SYNPO2L: variants seen among roughly 807,000 people sequenced by gnomAD.
SYNPO2L encodes the protein synaptopodin 2-like protein.
A neutral mutation model predicts 47.5 loss-of-function variants in SYNPO2L; 34 were observed. The observed-to-expected ratio is 0.72, with a 90% CI of 0.54 to 0.95. The LOEUF is 0.95. SYNPO2L is among the 40% of genes least tolerant of loss of function. The pLI, the probability that SYNPO2L is intolerant of heterozygous loss-of-function variation, is 0.00. For synonymous variants in SYNPO2L, 536 were observed against 524.9 expected, an observed-to-expected ratio of 1.02 and a Z score of -0.29; for missense variants, 1,246 against 1,282.0, an observed-to-expected ratio of 0.97 and a Z score of 0.43.
intron 3 of SYNPO2L, among the ~76,000 whole-genome samples, chr10:73,649,349 G>A (rs983014488): frequency 6.6e-6 from 1 of 152,128 alleles, no homozygotes; most frequent in Non-Finnish European, 1.5e-5. Flanking sequence ...GGCTTCTCAT[G>A]AAGCTTAGGA....
rs2081732006 is a variant in SYNPO2L, at chr10:73,645,029, G to A, written c.*1689C>T. The A allele has an allele frequency of 7.9e-7, 1 of 1,266,562 alleles. No individual in the cohort carries two copies. Among genetic ancestry groups the A allele is most frequent in the African/African-American group, 1.6e-5 (1 of 63,336 alleles). The allele number at this position is 1,266,562 out of a possible 1,614,324, so 78.5% of individuals were successfully genotyped here. A position where few individuals can be genotyped will look rare whatever the true frequency, so the allele number is the denominator to read the frequency against. ...GAGAAGGGAGTCCATACTAAGATTG[G>A]AGATCAGGACCTGAAGCTGAAAAGA... On this transcript the variant is annotated 3_prime_UTR_variant, in exon 4 of 4. Coordinates refer to ENST00000394810, the MANE Select transcript of SYNPO2L (RefSeq NM_001114133.3).
rs377688269 is a variant in SYNPO2L at position 73,648,713 on chromosome 10, G to A, written c.939C>T (p.Phe313=). ...CAGCGCCTGTCCCAGCAGCAGCCCC[G>A]AAGCTCACCAGGGTGTACTTCTTGG... The part of the protein sequence containing the change: ...QRAKKYTLVS[F]GAAAGTGAEE... The change falls in exon 4 of 4, where the codon TTC becomes TTT. Residue 313 remains phenylalanine (F), a synonymous_variant. Coordinates refer to ENST00000394810, the MANE Select transcript of SYNPO2L (RefSeq NM_001114133.3). 1.1e-5 allele frequency: 18 copies of A among 1,610,970 alleles called. No homozygotes were observed. Among genetic ancestry groups the A allele is most frequent in the South Asian group, 2.2e-5 (2 of 90,912 alleles).
In SYNPO2L at chr10:73,648,666, G is replaced by C. The variant is rs912188151; in HGVS notation, c.986C>G (p.Pro329Arg). 5 of 1,610,800 alleles carry C rather than the reference G, an allele frequency of 3.1e-6. No homozygotes were observed. Among genetic ancestry groups the C allele is most frequent in the Non-Finnish European group, 4.2e-6 (5 of 1,177,166 alleles). The change falls in exon 4 of 4, where the codon CCC becomes CGC. Residue 329 changes from proline (P) to arginine (R), a missense_variant. Physicochemically the swap from Pro to Arg is moderately radical, Grantham distance 103. Around this residue, in one of 3 missense-constraint regions of SYNPO2L, gnomAD observed 1,037 missense variants for 1,021.5 expected, o/e 1.02. Transcript: ENST00000394810. ...TGAEEEDGVP[P>R]TSESELDEEA... is the part of the protein sequence containing the mutation. ...TTCGTCCAGCTCGGACTCACTCGTG[G>C]GGGGAACGCCGTCCTCCTCCTCAGC... is the stretch of plus-strand genomic sequence containing the variant.
In SYNPO2L at chr10:73,645,916, C is replaced by T; in HGVS notation, c.*802G>A. 5.4e-6 allele frequency: 5 copies of T among 928,448 alleles called. No individual in the cohort carries two copies. Among genetic ancestry groups the T allele is most frequent in the Non-Finnish European group, 6.4e-6 (5 of 777,712 alleles). The allele number at this position is 928,448 out of a possible 1,614,324, so 57.5% of individuals were successfully genotyped here. A position where few individuals can be genotyped will look rare whatever the true frequency, so the allele number is the denominator to read the frequency against. On this transcript the variant is annotated 3_prime_UTR_variant, in exon 4 of 4. Transcript: ENST00000394810. ...CTCAGCTCACTGCAAGCTCCGCCTT[C>T]CAGGTTCATGCCATTCTCCTGCCTC...
rs1477770440 is a variant in SYNPO2L, at chr10:73,647,733, C to T, written c.1919G>A (p.Gly640Glu). 2 of 1,614,106 alleles carry T rather than the reference C, an allele frequency of 1.2e-6. No homozygotes were observed. ...RGTRKQMFRP[G>E]KEETKNSPNP... ...GGGCGAGTTCTTCGTCTCCTCCTTT[C>T]CCGGCCGGAACATCTGCTTCCGGGT... is the stretch of plus-strand genomic sequence containing the variant. The change falls in exon 4 of 4, where the codon GGA (glycine) becomes GAA (glutamate). Residue 640 changes from glycine to glutamate, a missense_variant. By Grantham distance (98) the Gly-to-Glu change is moderately conservative (BLOSUM62 -2). This residue lies in a region of SYNPO2L where 1,037 missense variants were observed against 1,021.5 expected (regional missense o/e 1.02). Transcript: ENST00000394810.
At chr10:73,648,953 C>A in intron 3 of SYNPO2L, 74 bp from the exon 4 acceptor site, 2 of 1,413,128 alleles carry the variant, frequency 1.4e-6, no homozygotes, top group Non-Finnish European at 9.2e-7. Context: ...AAGGCTTTCA[C>A]CCCCCATCCC....
At position 73,655,886 on chromosome 10, in the gene SYNPO2L, C is replaced by T. The variant is rs1564995988; in HGVS notation, c.37G>A (p.Gly13Arg). ...AEEEVLVTLS[G>R]GAPWGFRLHG... ...AGTCGGAAGCCCCAGGGGGCTCCCCCTGATAGTGTGACCAGCACCTCCTCC... is the reference window on the plus strand; with the variant it reads ...AGTCGGAAGCCCCAGGGGGCTCCCCTTGATAGTGTGACCAGCACCTCCTCC... The change falls in exon 1 of 4, where the codon GGG becomes AGG. Residue 13 changes from glycine to arginine, a missense_variant. Gly to Arg is a moderately radical substitution (Grantham distance 125). Coordinates refer to ENST00000394810, the MANE Select transcript of SYNPO2L (RefSeq NM_001114133.3). 1 of 1,551,444 alleles carries T rather than the reference C, an allele frequency of 6.4e-7. No individual in the cohort carries two copies. The highest frequency in any genetic ancestry group is 2.0e-5 in the Admixed American group (1 of 50,974).
rs1469066943 is a variant in SYNPO2L at position 73,653,554 on chromosome 10, A to G, written c.357T>C (p.Val119=). The change falls in exon 3 of 4, where the codon GTT becomes GTC. Residue 119 remains valine (V), a synonymous_variant. Coordinates refer to ENST00000394810, the MANE Select transcript of SYNPO2L (RefSeq NM_001114133.3). ...GGCTCCCAGGCTGAAGAGGCTGAGG[A>G]ACTGGAGCACCAGGGGGCTCAGGAC... The part of the protein sequence containing the change: ...PLSPEPPGAP[V]PQPLQPGSLR... 6.4e-7 allele frequency: 1 copy of G among 1,552,084 alleles called. No individual in the cohort carries two copies. Among genetic ancestry groups the G allele is most frequent in the Non-Finnish European group, 8.7e-7 (1 of 1,147,076 alleles).
rs1270522185 is a variant in SYNPO2L, at chr10:73,646,178, G to A, written c.*540C>T. The stretch of plus-strand genomic sequence containing the variant: ...TCTTATTCATGCCTTAGACGGAAGA[G>A]CACACACACACACACACACACACAC... On this transcript the variant is annotated 3_prime_UTR_variant, in exon 4 of 4. Transcript: ENST00000394810. 4.2e-6 allele frequency: 4 copies of A among 946,114 alleles called. No homozygotes were observed. Among genetic ancestry groups the A allele is most frequent in the Middle Eastern group, 5.3e-4 (1 of 1,890 alleles). The allele number at this position is 946,114 out of a possible 1,614,324, so 58.6% of individuals were successfully genotyped here. A position where few individuals can be genotyped will look rare whatever the true frequency, so the allele number is the denominator to read the frequency against.
intron 1 of SYNPO2L, among the ~76,000 whole-genome samples, chr10:73,654,499 C>A (rs7088227): frequency 3.4e-3 from 514 of 152,132 alleles, no homozygotes; most frequent in Non-Finnish European, 4.3e-3. Flanking sequence ...AATAGGGTAA[C>A]CATTGAATGA....
chr10:73,648,249 G>C lies in SYNPO2L; in HGVS notation c.1403C>G (p.Ala468Gly). 1 of 1,594,922 alleles carries C rather than the reference G, an allele frequency of 6.3e-7. No individual in the cohort carries two copies. Residue 468 changes from alanine to glycine, a missense_variant, in exon 4 of 4, where the codon GCC becomes GGC. Around this residue, in one of 3 missense-constraint regions of SYNPO2L, gnomAD observed 1,037 missense variants for 1,021.5 expected, o/e 1.02. Coordinates refer to ENST00000394810, the MANE Select transcript of SYNPO2L (RefSeq NM_001114133.3). ...TTGTAGGCCCGGGGTAAAGGGCCTG[G>C]CTGACCGGTTAAAGATGCTTGGAGC... ...TPAPSIFNRS[A>G]RPFTPGLQGQ...
chr10:73,645,275 C>G lies in SYNPO2L; in HGVS notation c.*1443G>C. ...TTCCCTTCCATTCTAACATTCTTCT[C>G]CCTCAAATTTTTTTCCAATCCCCCT... On this transcript the variant is annotated 3_prime_UTR_variant, in exon 4 of 4. Coordinates refer to ENST00000394810, the MANE Select transcript of SYNPO2L (RefSeq NM_001114133.3). The G allele has an allele frequency of 9.2e-7, 1 of 1,087,660 alleles. No homozygotes were observed. Among genetic ancestry groups the G allele is most frequent in the Non-Finnish European group, 1.1e-6 (1 of 885,472 alleles). 67.4% of individuals were successfully genotyped at this position (1,087,660 alleles called of 1,614,324 possible).
At chr10:73,652,263 T>C (rs1169072786) in intron 3 of SYNPO2L, among the ~76,000 whole-genome samples, 1 of 151,982 alleles carries the variant, frequency 6.6e-6, no homozygotes, top group African/African-American at 2.4e-5. Flanking sequence ...AGCAATCCTC[T>C]TGCCTCAGCC....
intron 3 of SYNPO2L, among the ~76,000 whole-genome samples, chr10:73,651,743 C>T (rs988876715): frequency 2.6e-5 from 4 of 152,066 alleles, no homozygotes; most frequent in Admixed American, 6.6e-5. Flanking sequence ...CCCAGGAATC[C>T]GAACTGAACT....
chr10:73,650,361 G>C (rs956153329), intron 3 of SYNPO2L: 4 of 668,896 alleles, frequency 6.0e-6, no homozygotes, highest in Non-Finnish European at 7.4e-6. Context: ...GTATGGATGA[G>C]ACAACAGGCC....
chr10:73,647,941 G>A lies in SYNPO2L; in HGVS notation c.1711C>T (p.Pro571Ser). Residue 571 changes from proline (P) to serine (S), a missense_variant, in exon 4 of 4, where the codon CCT becomes TCT. By Grantham distance (74) the Pro-to-Ser change is moderately conservative (BLOSUM62 -1). Around this residue, in one of 3 missense-constraint regions of SYNPO2L, gnomAD observed 1,037 missense variants for 1,021.5 expected, o/e 1.02. Transcript: ENST00000394810. Reference protein sequence around the residue: ...PGGAPEPPAPPSAAAMTSTAS... With the variant: ...PGGAPEPPAPSSAAAMTSTAS... Reference sequence around the variant, plus strand: ...GTGGAGGTCATGGCAGCTGCGCTAGGAGGAGCGGGGGGCTCTGGAGCTCCA... The same window carrying A: ...GTGGAGGTCATGGCAGCTGCGCTAGAAGGAGCGGGGGGCTCTGGAGCTCCA... 1 of 1,531,014 alleles carries A rather than the reference G, an allele frequency of 6.5e-7. No homozygotes were observed. Among genetic ancestry groups the A allele is most frequent in the Non-Finnish European group, 8.8e-7 (1 of 1,142,072 alleles). 94.8% of individuals were successfully genotyped at this position (1,531,014 alleles called of 1,614,324 possible).
Position 73,647,056 on chromosome 10 carries a change from C to T in SYNPO2L, c.2596G>A (p.Glu866Lys), listed in dbSNP as rs1177770269. 3 of 1,614,014 alleles carry T rather than the reference C, an allele frequency of 1.9e-6. No individual in the cohort carries two copies. The highest frequency in any genetic ancestry group is 2.2e-5 in the East Asian group (1 of 44,864). The change falls in exon 4 of 4, where the codon GAG becomes AAG. Residue 866 changes from glutamate (E) to lysine (K), a missense_variant. This residue lies in a region of SYNPO2L where 1,037 missense variants were observed against 1,021.5 expected (regional missense o/e 1.02). Coordinates refer to ENST00000394810, the MANE Select transcript of SYNPO2L (RefSeq NM_001114133.3). ...ATAGGGCCAGGAGTCGGGGGAACCT[C>T]ATCAAAACAGAACATGGCAGTTTTA... ...QLKTAMFCFD[E>K]VPPTPGPIAS...
At position 73,655,950 on chromosome 10, in the gene SYNPO2L, G is replaced by A; in HGVS notation, c.-28C>T. 1 of 1,535,072 alleles carries A rather than the reference G, an allele frequency of 6.5e-7. No homozygotes were observed. Among genetic ancestry groups the A allele is most frequent in the Non-Finnish European group, 8.8e-7 (1 of 1,136,534 alleles). On this transcript the variant is annotated 5_prime_UTR_variant, in exon 1 of 4. Coordinates refer to ENST00000394810, the MANE Select transcript of SYNPO2L (RefSeq NM_001114133.3). ...CTCAGCTTGGCCTATGGCCCCCGGAGTTTGAACAGTGTCCCCAGGAGAGAA... is the reference window on the plus strand; with the variant it reads ...CTCAGCTTGGCCTATGGCCCCCGGAATTTGAACAGTGTCCCCAGGAGAGAA...
Position 73,645,893 on chromosome 10 carries a change from C to T in SYNPO2L, c.*825G>A. 3 of 962,340 alleles carry T rather than the reference C, an allele frequency of 3.1e-6. No individual in the cohort carries two copies. Among genetic ancestry groups the T allele is most frequent in the Non-Finnish European group, 3.7e-6 (3 of 808,572 alleles). The allele number at this position is 962,340 out of a possible 1,614,324, so 59.6% of individuals were successfully genotyped here. A position where few individuals can be genotyped will look rare whatever the true frequency, so the allele number is the denominator to read the frequency against. ...AGGCTGGAGTGCAGTGGCGCAATCT[C>T]AGCTCACTGCAAGCTCCGCCTTCCA... On this transcript the variant is annotated 3_prime_UTR_variant, in exon 4 of 4. Coordinates refer to ENST00000394810, the MANE Select transcript of SYNPO2L (RefSeq NM_001114133.3).
Sources: gnomAD v4.1 joint callset for allele counts (sites outside exome capture counted in the v4.1 genomes callset) on GRCh38, gnomAD v4.1.1 for gene constraint, gnomAD v4.1.1 regional missense constraint, MANE v1.5 for transcripts, NCBI Gene and HGNC (gene_info 2026-07-23, HGNC 2026-07-21) for gene names.